The following SOX6 variants were observed in gnomAD, a reference collection of about 807,000 sequenced individuals.
The protein encoded by SOX6 is transcription factor SOX-6.
A neutral mutation model predicts 97.8 loss-of-function variants in SOX6; 11 were observed. That is an observed-to-expected ratio of 0.11 (90% CI 0.07 to 0.19). The LOEUF (loss-of-function observed/expected upper bound fraction) is 0.19. Ranked by LOEUF, SOX6 falls within the 10% of genes least tolerant of loss-of-function variation. SOX6 has a pLI of 1.00. For missense variants in SOX6, 810 were observed against 1,039.5 expected (o/e 0.78, Z 3.04); for synonymous variants, 360 against 371.4 (o/e 0.97, Z 0.35).
chr11:16,076,735 ATTTTTTTTTTTTTTTT>A (rs1156737950), intron 9 of SOX6, among the ~76,000 whole-genome samples: 1 of 94,134 alleles, frequency 1.1e-5, no homozygotes, highest in African/African-American at 5.1e-5. Context: ...GGTACTACAC[ATTTTTTTTTTTTTTTT>A]TTTTTTTTTT....
chr11:16,139,655 C>A (rs1004145284), intron 6 of SOX6, among the ~76,000 whole-genome samples: 3 of 151,642 alleles, frequency 2.0e-5, no homozygotes, highest in Non-Finnish European at 1.5e-5. Context: ...CTTCCCCAGA[C>A]CAGATTCAGA....
At chr11:16,010,305 C>A (rs1430941160) in intron 13 of SOX6, among the ~76,000 whole-genome samples, 4 of 151,982 alleles carry the variant, frequency 2.6e-5, no homozygotes, top group African/African-American at 9.7e-5. Flanking sequence ...GTACACATAT[C>A]TATTTCCATT....
intron 10 of SOX6, among the ~76,000 whole-genome samples, chr11:16,050,761 T>C (rs1027624113): frequency 1.2e-4 from 18 of 152,154 alleles, no homozygotes; most frequent in Admixed American, 3.3e-4. Flanking sequence ...CTTTATTTTG[T>C]CTCATTTATC....
At chr11:16,660,760 C>G (rs950967978) in intron 3 of SOX6, among the ~76,000 whole-genome samples, 12 of 152,276 alleles carry the variant, frequency 7.9e-5, no homozygotes, top group Non-Finnish European at 1.6e-4. Flanking sequence ...GCCGCCTTGC[C>G]CTTCCACCAT....
At chr11:16,614,990 G>C (rs1276881811) in intron 3 of SOX6, among the ~76,000 whole-genome samples, 2 of 152,050 alleles carry the variant, frequency 1.3e-5, no homozygotes. Context: ...ACAGCAACCC[G>C]ATGCTAATGG....
Position 16,011,945 on chromosome 11 carries a change from T to C in SOX6, c.1732+2997A>G, listed in dbSNP as rs1368394856. 3.9e-5 allele frequency among the ~76,000 whole-genome samples: 6 copies of C among 152,022 alleles called. No individual in the cohort carries two copies. The East Asian group carries it at 1.2e-3, about 29-fold the overall frequency. On this transcript the variant is annotated intron_variant, in intron 13 of 15. Coordinates refer to ENST00000683767, the MANE Select transcript of SOX6 (RefSeq NM_001367873.1). ...TTCTTAGCACTTTTCTCCATGATAA[T>C]TATGTATGTACATATTTCCCTTTTA...
At chr11:16,395,275 A>T (rs1395344578) in intron 1 of SOX6, among the ~76,000 whole-genome samples, 2 of 151,890 alleles carry the variant, frequency 1.3e-5, no homozygotes, top group African/African-American at 2.4e-5. Flanking sequence ...CAGATACATA[A>T]TTTCAAATTG....
chr11:16,007,025 A>T (rs1466971378), intron 13 of SOX6, among the ~76,000 whole-genome samples: 2 of 151,364 alleles, frequency 1.3e-5, no homozygotes, highest in African/African-American at 4.9e-5. Flanking sequence ...GAGTGCAGGC[A>T]GTGATAGACA....
intron 4 of SOX6, among the ~76,000 whole-genome samples, chr11:16,574,204 A>T (rs182662642): frequency 6.6e-6 from 1 of 152,270 alleles, no homozygotes; most frequent in Admixed American, 6.5e-5. Flanking sequence ...AATAAGAATA[A>T]GGTGGCAGGA....
intron 3 of SOX6, among the ~76,000 whole-genome samples, chr11:16,251,389 A>G (rs1853504337): frequency 6.6e-6 from 1 of 152,144 alleles, no homozygotes; most frequent in Non-Finnish European, 1.5e-5. Flanking sequence ...CAAGTAATAA[A>G]GAGCAAAAAC....
chr11:16,582,357 A>G (rs562918067), intron 4 of SOX6, among the ~76,000 whole-genome samples: 1 of 152,220 alleles, frequency 6.6e-6, no homozygotes, highest in Non-Finnish European at 1.5e-5. Flanking sequence ...ATTAGAAATA[A>G]CATATCTGGA....
chr11:16,427,210 T>C (rs1859160610), intron 1 of SOX6, among the ~76,000 whole-genome samples: 1 of 152,040 alleles, frequency 6.6e-6, no homozygotes, highest in Non-Finnish European at 1.5e-5. Flanking sequence ...GGAAAAAATT[T>C]TTGGAAACTA....
chr11:16,510,755 A>T (rs1051775033), intron 4 of SOX6, among the ~76,000 whole-genome samples: 36 of 152,106 alleles, frequency 2.4e-4, no homozygotes, highest in Admixed American at 1.7e-3. Context: ...AATTGTTGTT[A>T]TATGTACATC....
intron 4 of SOX6, among the ~76,000 whole-genome samples, chr11:16,591,334 G>A (rs995339273): frequency 7.1e-5 from 6 of 84,890 alleles, no homozygotes; most frequent in South Asian, 8.2e-4. Flanking sequence ...TAGATAGATA[G>A]ATAGATAGAT....
chr11:16,081,359 A>T (rs995581168), intron 9 of SOX6, among the ~76,000 whole-genome samples: 6 of 152,148 alleles, frequency 3.9e-5, no homozygotes, highest in African/African-American at 1.4e-4. Context: ...TCATGTAGGG[A>T]ACAAGAACTT....
chr11:16,349,712 GGAA>G (rs1420200381), intron 1 of SOX6, among the ~76,000 whole-genome samples: 5,717 of 50,686 alleles, frequency 0.11, 159 homozygotes, highest in African/African-American at 0.16. Flanking sequence ...AAGGAAGGAA[GGAA>G]GAAGGAAGGA....
At chr11:16,557,729 A>G (rs1847765096) in intron 4 of SOX6, among the ~76,000 whole-genome samples, 1 of 151,888 alleles carries the variant, frequency 6.6e-6, no homozygotes, top group Non-Finnish European at 1.5e-5. Flanking sequence ...ATTGTAAATG[A>G]TAATATCAGT....
intron 4 of SOX6, among the ~76,000 whole-genome samples, chr11:16,193,667 T>G (rs1851692383): frequency 6.6e-6 from 1 of 152,176 alleles, no homozygotes; most frequent in Non-Finnish European, 1.5e-5. Flanking sequence ...ACATAAATCC[T>G]AGAAAGATTA....
chr11:16,335,837 G>C (rs1856443526), intron 2 of SOX6, among the ~76,000 whole-genome samples: 1 of 152,172 alleles, frequency 6.6e-6, no homozygotes, highest in African/African-American at 2.4e-5. Flanking sequence ...GAGAAGCAGA[G>C]TAGAAATTGT....
Sources: gnomAD v4.1 joint callset for allele counts (sites outside exome capture counted in the v4.1 genomes callset) on GRCh38, gnomAD v4.1.1 for gene constraint, MANE v1.5 for transcripts, NCBI Gene and HGNC (gene_info 2026-07-23, HGNC 2026-07-21) for gene names.